The following ITGB4 variants were observed in gnomAD, a reference collection of about 807,000 sequenced individuals.
The protein encoded by ITGB4 is integrin subunit beta 4, also known as integrin beta-4.
Under a neutral mutation model 207.6 loss-of-function variants are expected in ITGB4, and 159 were observed. The ratio of observed to expected loss-of-function variants is 0.77; its 90% CI spans 0.67 to 0.87. The LOEUF is 0.87. Ranked by LOEUF, ITGB4 falls within the 40% of genes least tolerant of loss-of-function variation. ITGB4 has a pLI of 0.00. For missense variants in ITGB4, 2,278 were observed against 2,546.8 expected (o/e 0.89, Z 2.27); for synonymous variants, 1,020 against 1,062.7 (o/e 0.96, Z 0.78).
rs74714994 is a variant in ITGB4 at position 75,742,314 on chromosome 17, T to C, written c.2634-27T>C. 1,959 of 1,613,088 alleles carry C rather than the reference T, an allele frequency of 1.2e-3. 14 individuals are homozygous for C. In the African/African-American group the frequency reaches 0.021, roughly 18 times the overall value. Reference sequence around the variant, plus strand: ...GCAGGTGCCAGCCTGACCCCTCCGCTGCCTGAACCTTCCACCCTCGACCCA... The same window carrying C: ...GCAGGTGCCAGCCTGACCCCTCCGCCGCCTGAACCTTCCACCCTCGACCCA... On this transcript the variant is annotated intron_variant, in intron 23 of 39. Transcript: ENST00000200181. This position sits in a 1 kb window ranked among gnomAD's most constrained non-coding sequence, Gnocchi z 5.9.
rs1599272466 is a variant in ITGB4 at position 75,742,535 on chromosome 17, G to C, written c.2782+46G>C. 3 of 1,613,480 alleles carry C rather than the reference G, an allele frequency of 1.9e-6. No homozygotes were observed. Among genetic ancestry groups the C allele is most frequent in the Non-Finnish European group, 2.5e-6 (3 of 1,179,898 alleles). On this transcript the variant is annotated intron_variant, in intron 24 of 39. Transcript: ENST00000200181. The surrounding 1 kb of genome is among the most constrained non-coding windows in gnomAD (Gnocchi z 5.9). ...TGCCACTGCCTCGCACCTCCCGCCTGTGTGGCCCTGTGACCCACCTCTGAC... is the reference window on the plus strand; with the variant it reads ...TGCCACTGCCTCGCACCTCCCGCCTCTGTGGCCCTGTGACCCACCTCTGAC...
chr17:75,741,510 C>T (rs1348893192), intron 23 of ITGB4, among the ~76,000 whole-genome samples: 1 of 152,006 alleles, frequency 6.6e-6, no homozygotes, highest in Non-Finnish European at 1.5e-5. Context: ...ACATGACCAT[C>T]AGTAAGAACC....
In ITGB4 at chr17:75,729,644, G is replaced by A. The variant is rs911505390; in HGVS notation, c.738+208G>A. On this transcript the variant is annotated intron_variant, in intron 7 of 39. Coordinates refer to ENST00000200181, the MANE Select transcript of ITGB4 (RefSeq NM_000213.5). The surrounding 1 kb of genome is among the most constrained non-coding windows in gnomAD (Gnocchi z 4.4). ...TGAGTTCAGATGTGCCTGGAGCCAC[G>A]GTCCCCTGGCCTGAGCAGTCACAGC... Among the ~76,000 whole-genome samples, 3 of 152,176 alleles carry A rather than the reference G, an allele frequency of 2.0e-5. No homozygotes were observed. Among genetic ancestry groups the A allele is most frequent in the Non-Finnish European group, 2.9e-5 (2 of 68,018 alleles).
rs752054871 is a variant in ITGB4, at chr17:75,736,112, T to C, written c.1719T>C (p.Cys573=). 6.2e-7 allele frequency: 1 copy of C among 1,614,144 alleles called. No individual in the cohort carries two copies. The highest frequency in any genetic ancestry group is 8.5e-7 in the Non-Finnish European group (1 of 1,180,030). Residue 573 remains cysteine, a synonymous_variant, in exon 14 of 40, where the codon TGT becomes TGC. Transcript: ENST00000200181. ...VCEPGWTGPS[C]DCPLSNATCI... ...AGCCTGGTTGGACAGGCCCAAGCTG[T>C]GACTGTCCCCTCAGCAATGCCACCT...
In ITGB4 at chr17:75,740,668, G is replaced by A. The variant is rs2061087379; in HGVS notation, c.2551-125G>A. On this transcript the variant is annotated intron_variant, in intron 21 of 39. Transcript: ENST00000200181. The surrounding 1 kb of genome is among the most constrained non-coding windows in gnomAD (Gnocchi z 5.9). Reference sequence around the variant, plus strand: ...CTGGGCCCAGGATGCTGCCCCACGGGGCATGCCCCAGCCAACCCTGAGGAT... The same window carrying A: ...CTGGGCCCAGGATGCTGCCCCACGGAGCATGCCCCAGCCAACCCTGAGGAT... The A allele has an allele frequency of 8.5e-7, 1 of 1,174,734 alleles. No individual in the cohort carries two copies. The highest frequency in any genetic ancestry group is 1.5e-5 in the African/African-American group (1 of 66,148). The allele number at this position is 1,174,734 out of a possible 1,614,324, so 72.8% of individuals were successfully genotyped here.
At chr17:75,730,147 A>T in intron 7 of ITGB4, 94 bp from the exon 8 acceptor site, 1 of 1,549,182 alleles carries the variant, frequency 6.5e-7, no homozygotes, top group Non-Finnish European at 8.8e-7. Flanking sequence ...GCCCAGCCCC[A>T]TGTTGGGACC....
rs112049914 is a variant in ITGB4 at position 75,722,243 on chromosome 17, C to G, written c.-11+631C>G. On this transcript the variant is annotated intron_variant, in intron 1 of 39. Coordinates refer to ENST00000200181, the MANE Select transcript of ITGB4 (RefSeq NM_000213.5). This position sits in a 1 kb window ranked among gnomAD's most constrained non-coding sequence, Gnocchi z 6.2. ...CAGGCCTCACCCACCAGCCCCAGGG[C>G]TGTGCCCAACACTGCCACCTCCTGC... Among the ~76,000 whole-genome samples, 438 of 152,322 alleles carry G rather than the reference C, an allele frequency of 2.9e-3. 5 individuals carry two copies. The highest frequency in any genetic ancestry group is 0.01 in the African/African-American group (423 of 41,582).
chr17:75,730,585 C>G, intron 8 of ITGB4, 81 bp downstream of exon 8: 2 of 1,133,736 alleles, frequency 1.8e-6, no homozygotes, highest in Non-Finnish European at 2.5e-6. Context: ...TCCCTCCCTC[C>G]CTCCCTCCCT....
rs145910839 is a variant in ITGB4, at chr17:75,750,724, G to A, written c.3519G>A (p.Leu1173=). The part of the protein sequence containing the change: ...IQGDSESEAH[L]LDSKVPSVEL... ...GTGACTCCGAATCCGAAGCCCACCT[G>A]CTCGACAGCAAGGTGCCCTCAGTGG... is the stretch of plus-strand genomic sequence containing the variant. The change falls in exon 29 of 40, where the codon CTG becomes CTA. Residue 1173 remains leucine (L), a synonymous_variant. Transcript: ENST00000200181. This position sits in a 1 kb window ranked among gnomAD's most constrained non-coding sequence, Gnocchi z 5.5. 40 of 1,613,490 alleles carry A rather than the reference G, an allele frequency of 2.5e-5. No homozygotes were observed. The African/African-American group carries it at 4.4e-4, about 18-fold the overall frequency.
chr17:75,755,138 G>A (rs2061465938), intron 34 of ITGB4: 1 of 1,611,814 alleles, frequency 6.2e-7, no homozygotes, highest in Non-Finnish European at 8.5e-7. Context: ...TCAGATGAAA[G>A]GGTTCCCCCC....
At position 75,750,001 on chromosome 17, in the gene ITGB4, T is replaced by G; in HGVS notation, c.3317-110T>G. ...CTCCAGAGACGCGGGTGGGCAGGTC[T>G]GAGTTGAATGCGCTGGGTAGAGCGC... On this transcript the variant is annotated intron_variant, in intron 27 of 39. Transcript: ENST00000200181. The surrounding 1 kb of genome is among the most constrained non-coding windows in gnomAD (Gnocchi z 5.5). 7.3e-7 allele frequency: 1 copy of G among 1,362,712 alleles called. No homozygotes were observed. Among genetic ancestry groups the G allele is most frequent in the Non-Finnish European group, 1.0e-6 (1 of 952,834 alleles). 84.4% of individuals were successfully genotyped at this position (1,362,712 alleles called of 1,614,324 possible). A position where few individuals can be genotyped will look rare whatever the true frequency, so the allele number is the denominator to read the frequency against.
rs1406891273 is a variant in ITGB4, at chr17:75,750,873, C to T, written c.3655+13C>T. ...ACCCACCAGGAAGGTGAGGCCTCGC[C>T]ATGTCTGTCCATTTGTCCCCTGGCT... On this transcript the variant is annotated intron_variant, in intron 29 of 39. Transcript: ENST00000200181. This position sits in a 1 kb window ranked among gnomAD's most constrained non-coding sequence, Gnocchi z 5.5. 4 of 1,613,490 alleles carry T rather than the reference C, an allele frequency of 2.5e-6. No individual in the cohort carries two copies. In the South Asian group the frequency reaches 3.3e-5, roughly 13 times the overall value.
chr17:75,728,777 G>T (rs2060782716), intron 6 of ITGB4, among the ~76,000 whole-genome samples: 1 of 152,162 alleles, frequency 6.6e-6, no homozygotes, highest in Non-Finnish European at 1.5e-5. Flanking sequence ...GAGGTCAGGA[G>T]ATCGAGACCA....
In ITGB4 at chr17:75,756,999, C is replaced by G; in HGVS notation, c.5110C>G (p.Pro1704Ala). 6.2e-7 allele frequency: 1 copy of G among 1,612,878 alleles called. No homozygotes were observed. The highest frequency in any genetic ancestry group is 1.1e-5 in the South Asian group (1 of 91,084). ...CAGCCCCGAGAGCCGGCTGACCGTG[C>G]CGGGCCTCAGCGAGAACGTGCCCTA... The part of the protein sequence containing the change: ...GDSPESRLTV[P>A]GLSENVPYKF... Residue 1704 changes from proline (P) to alanine (A), a missense_variant, in exon 38 of 40, where the codon CCG becomes GCG. Physicochemically the swap from Pro to Ala is conservative, Grantham distance 27 (BLOSUM62 -1). Transcript: ENST00000200181.
Position 75,736,033 on chromosome 17 carries a change from C to T in ITGB4, c.1658-18C>T. Reference sequence around the variant, plus strand: ...CACAGATGTAGCTCTCATCTCCCTTCCTTGTCCCTCTCTGCAGACCGAGGA... The same window carrying T: ...CACAGATGTAGCTCTCATCTCCCTTTCTTGTCCCTCTCTGCAGACCGAGGA... On this transcript the variant is annotated intron_variant, in intron 13 of 39. Coordinates refer to ENST00000200181, the MANE Select transcript of ITGB4 (RefSeq NM_000213.5). 1 of 1,612,190 alleles carries T rather than the reference C, an allele frequency of 6.2e-7. No individual in the cohort carries two copies. Among genetic ancestry groups the T allele is most frequent in the Non-Finnish European group, 8.5e-7 (1 of 1,179,048 alleles).
Position 75,722,322 on chromosome 17 carries a change from A to G in ITGB4, c.-11+710A>G, listed in dbSNP as rs2060631317. ...CCTCTGGGGTGGCCCTCTGGCTGGG[A>G]CTGGGGCTCTGGGGCTCCTGGTGAC... On this transcript the variant is annotated intron_variant, in intron 1 of 39. Coordinates refer to ENST00000200181, the MANE Select transcript of ITGB4 (RefSeq NM_000213.5). The surrounding 1 kb of genome is among the most constrained non-coding windows in gnomAD (Gnocchi z 6.2). Among the ~76,000 whole-genome samples, 1 of 152,036 alleles carries G rather than the reference A, an allele frequency of 6.6e-6. No homozygotes were observed. The highest frequency in any genetic ancestry group is 1.9e-4 in the East Asian group (1 of 5,166).
At chr17:75,737,211 C>T (rs954633532) in intron 16 of ITGB4, 111 bp from the exon 17 acceptor site, 10 of 1,360,054 alleles carry the variant, frequency 7.4e-6, no homozygotes, top group East Asian at 5.0e-5. Flanking sequence ...CCCCAGGAGG[C>T]CCTGCCGTGG....
intron 34 of ITGB4, 90 bp downstream of exon 34, chr17:75,754,905 C>T (rs1228516606): frequency 1.5e-5 from 23 of 1,581,440 alleles, no homozygotes; most frequent in South Asian, 5.5e-5. Context: ...CTGTCCCCAC[C>T]GCCCATTCTC....
chr17:75,756,001 T>C (rs1312994423), intron 35 of ITGB4, 151 bp downstream of exon 35: 1 of 954,686 alleles, frequency 1.0e-6, no homozygotes, highest in African/African-American at 1.6e-5. Context: ...TCCCACCCCA[T>C]TCTCCACCCC....
Sources: allele counts gnomAD v4.1 joint callset (sites outside exome capture counted in the v4.1 genomes callset), GRCh38; gene constraint gnomAD v4.1.1; non-coding constraint Gnocchi (gnomAD v3.1); transcripts MANE v1.5; gene names NCBI Gene and HGNC (gene_info 2026-07-23, HGNC 2026-07-21).